Variants in RBL2 observed in about 807,000 individuals in gnomAD.
RBL2 encodes retinoblastoma-like protein 2.
In RBL2, 56 loss-of-function variants were observed where a neutral mutation model predicts 126.0. The ratio of observed to expected loss-of-function variants is 0.44; its 90% CI spans 0.36 to 0.56. RBL2 has a LOEUF of 0.56. Among genes scored for constraint, RBL2 ranks in the 20% least tolerant of loss-of-function variants. RBL2 has a pLI of 0.00. For synonymous variants in RBL2, 454 were observed against 478.5 expected (o/e 0.95, Z 0.67); for missense variants, 1,229 against 1,398.2 (o/e 0.88, Z 1.93).
intron 1 of RBL2, chr16:53,435,479 G>C: frequency 1.1e-6 from 1 of 886,944 alleles, no homozygotes; most frequent in East Asian, 6.4e-5. Flanking sequence ...TCCTGTTGTT[G>C]TTGCGATCCG....
intron 18 of RBL2, chr16:53,479,490 CTA>C: frequency 3.9e-6 from 2 of 518,568 alleles, no homozygotes; most frequent in Admixed American, 7.2e-5. Context: ...TACTTGGTTT[CTA>C]TGTCACCTTT....
chr16:53,439,462 TC>T (rs2057993046), intron 2 of RBL2, among the ~76,000 whole-genome samples: 1 of 152,186 alleles, frequency 6.6e-6, no homozygotes, highest in South Asian at 2.1e-4. Flanking sequence ...TAGGAGATAC[TC>T]CAAGTTGAAA....
intron 14 of RBL2, among the ~76,000 whole-genome samples, chr16:53,468,953 A>G (rs2058294810): frequency 1.3e-5 from 2 of 152,146 alleles, no homozygotes; most frequent in African/African-American, 4.8e-5. Context: ...ATATAACCAC[A>G]ATTTTAAAAA....
At chr16:53,462,748 G>T in intron 11 of RBL2, 93 bp downstream of exon 11, 1 of 764,818 alleles carries the variant, frequency 1.3e-6, no homozygotes, top group Non-Finnish European at 2.1e-6. Flanking sequence ...TTTATATATA[G>T]TCTCCTTTCA....
In RBL2 at chr16:53,490,176, C is replaced by A. The variant is rs1219714172; in HGVS notation, c.3296C>A (p.Thr1099Asn). 2.5e-6 allele frequency: 4 copies of A among 1,611,862 alleles called. No individual in the cohort carries two copies. The highest frequency in any genetic ancestry group is 3.4e-6 in the Non-Finnish European group (4 of 1,178,740). The change falls in exon 22 of 22, where the codon ACT (threonine) becomes AAT (asparagine). Residue 1099 changes from threonine (T) to asparagine (N), a missense_variant. Around this residue, in one of 2 missense-constraint regions of RBL2, gnomAD observed 1,070 missense variants for 1,274.3 expected, o/e 0.84. Transcript: ENST00000262133. ...NSMIRTGETPTKKRGILLEDG... is the reference protein window; with the variant it reads ...NSMIRTGETPNKKRGILLEDG... ...ATGATACGCACAGGAGAAACTCCTACTAAAAAGAGAGGAATTCTTTTGGAA... is the reference window on the plus strand; with the variant it reads ...ATGATACGCACAGGAGAAACTCCTAATAAAAAGAGAGGAATTCTTTTGGAA...
Position 53,490,423 on chromosome 16 carries a change from G to T in RBL2, c.*123G>T. 2.5e-6 allele frequency: 2 copies of T among 790,858 alleles called. No homozygotes were observed. Among genetic ancestry groups the T allele is most frequent in the East Asian group, 2.9e-5 (1 of 34,306 alleles). The allele number at this position is 790,858 out of a possible 1,614,324, so 49.0% of individuals were successfully genotyped here. ...GTTACAGCCTGTTAGTAACATGAGGGGACATTTTGGTGAGAAATGGGACTT... is the reference window on the plus strand; with the variant it reads ...GTTACAGCCTGTTAGTAACATGAGGTGACATTTTGGTGAGAAATGGGACTT... On this transcript the variant is annotated 3_prime_UTR_variant, in exon 22 of 22. Coordinates refer to ENST00000262133, the MANE Select transcript of RBL2 (RefSeq NM_005611.4).
rs73608341 is a variant in RBL2 at position 53,486,342 on chromosome 16, G to A, written c.3250-3788G>A. Among the ~76,000 whole-genome samples, 981 of 152,202 alleles carry A rather than the reference G, an allele frequency of 6.4e-3. 9 individuals carry two copies. The highest frequency in any genetic ancestry group is 0.022 in the African/African-American group (912 of 41,528). ...TAAATGTGACAATGCACATGAAATA[G>A]ACAAATTCTTGAAAGATACAAACTA... is the stretch of plus-strand genomic sequence containing the variant. On this transcript the variant is annotated intron_variant, in intron 21 of 21. Transcript: ENST00000262133.
rs777040783 is a variant in RBL2, at chr16:53,470,934, T to C, written c.2703+12T>C. 2 of 1,599,382 alleles carry C rather than the reference T, an allele frequency of 1.3e-6. No individual in the cohort carries two copies. The highest frequency in any genetic ancestry group is 2.7e-5 in the African/African-American group (2 of 74,066). ...ATGTGATGGCAAAGGTGAGTACCAT[T>C]TGGAATTGTAAAGGCAAAGATAGGT... On this transcript the variant is annotated intron_variant, in intron 17 of 21. Coordinates refer to ENST00000262133, the MANE Select transcript of RBL2 (RefSeq NM_005611.4).
chr16:53,490,348 C>G lies in RBL2; in HGVS notation c.*48C>G, dbSNP rs758618880. 1.4e-6 allele frequency: 2 copies of G among 1,459,022 alleles called. No individual in the cohort carries two copies. Among genetic ancestry groups the G allele is most frequent in the Non-Finnish European group, 1.9e-6 (2 of 1,077,634 alleles). The allele number at this position is 1,459,022 out of a possible 1,614,324, so 90.4% of individuals were successfully genotyped here. A position where few individuals can be genotyped will look rare whatever the true frequency, so the allele number is the denominator to read the frequency against. On this transcript the variant is annotated 3_prime_UTR_variant, in exon 22 of 22. Coordinates refer to ENST00000262133, the MANE Select transcript of RBL2 (RefSeq NM_005611.4). Reference sequence around the variant, plus strand: ...CTTCACAAAATCTGTTTAGCAGCAGCCTTTAATGCATCTAGATTATGGAGC... The same window carrying G: ...CTTCACAAAATCTGTTTAGCAGCAGGCTTTAATGCATCTAGATTATGGAGC...
At chr16:53,474,816 T>G (rs140421332) in intron 17 of RBL2, among the ~76,000 whole-genome samples, 389 of 152,360 alleles carry the variant, frequency 2.6e-3, no homozygotes, top group Non-Finnish European at 4.3e-3. Context: ...AGGGTAATAA[T>G]GGTCTCATAG....
intron 2 of RBL2, among the ~76,000 whole-genome samples, chr16:53,441,902 C>T (rs1039366222): frequency 6.6e-6 from 1 of 152,020 alleles, no homozygotes; most frequent in African/African-American, 2.4e-5. Flanking sequence ...CTCACTGCAA[C>T]CTCCGCCTCC....
intron 10 of RBL2, 95 bp downstream of exon 10, chr16:53,461,945 G>T: frequency 1.8e-6 from 2 of 1,111,386 alleles, no homozygotes; most frequent in Non-Finnish European, 2.7e-6. Context: ...AAAGATTTAT[G>T]ACTTTAGACT....
chr16:53,467,274 A>ATT, intron 14 of RBL2, 105 bp downstream of exon 14: 1 of 890,388 alleles, frequency 1.1e-6, no homozygotes, highest in Non-Finnish European at 1.7e-6. Flanking sequence ...AGAAGAAAAT[A>ATT]TTCTATGCAT....
intron 18 of RBL2, 83 bp downstream of exon 18, chr16:53,479,308 G>A (rs1453926031): frequency 1.5e-6 from 2 of 1,301,382 alleles, no homozygotes; most frequent in African/African-American, 3.0e-5. Flanking sequence ...TTGACTCTGT[G>A]GCCTTTTTTC....
chr16:53,486,125 G>GAA (rs59433365), intron 21 of RBL2, among the ~76,000 whole-genome samples: 2,185 of 92,128 alleles, frequency 0.024, 96 homozygotes, highest in African/African-American at 0.091. Context: ...CCTTGTCTCT[G>GAA]AAAAAAAAAA....
chr16:53,461,939 A>G, intron 10 of RBL2, 89 bp downstream of exon 10: 1 of 1,203,646 alleles, frequency 8.3e-7, no homozygotes, highest in Non-Finnish European at 1.2e-6. Flanking sequence ...TGAGGAAAAG[A>G]TTTATGACTT....
At chr16:53,435,524 C>T (rs1262871719) in intron 1 of RBL2, 2 of 1,165,868 alleles carry the variant, frequency 1.7e-6, no homozygotes, top group African/African-American at 1.6e-5. Context: ...ACAGGGCTTG[C>T]AGATGAGAAA....
At chr16:53,469,416 C>CA (rs1434229981) in intron 14 of RBL2, among the ~76,000 whole-genome samples, 3 of 137,402 alleles carry the variant, frequency 2.2e-5, no homozygotes, top group African/African-American at 3.6e-5. Context: ...TGGAAAAAGA[C>CA]AGAGATCAAA....
intron 8 of RBL2, among the ~76,000 whole-genome samples, chr16:53,455,646 T>C (rs1473612804): frequency 1.3e-5 from 2 of 151,836 alleles, no homozygotes; most frequent in African/African-American, 4.8e-5. Flanking sequence ...ATACAAAATA[T>C]TGAGGGGAGG....
Sources: gnomAD v4.1 joint callset for allele counts (sites outside exome capture counted in the v4.1 genomes callset) on GRCh38, gnomAD v4.1.1 for gene constraint, gnomAD v4.1.1 regional missense constraint, MANE v1.5 for transcripts, NCBI Gene and HGNC (gene_info 2026-07-23, HGNC 2026-07-21) for gene names.